FDXR: variants seen among roughly 807,000 people sequenced by gnomAD.
The protein encoded by FDXR is NADPH:adrenodoxin oxidoreductase, mitochondrial.
In FDXR, 38 loss-of-function variants were observed where a neutral mutation model predicts 58.3. That is an observed-to-expected ratio of 0.65 (90% CI 0.50 to 0.85). The LOEUF (loss-of-function observed/expected upper bound fraction) is 0.85, where lower values mean the gene tolerates loss of function less well. FDXR is among the 40% of genes least tolerant of loss of function. The pLI, the probability that FDXR is intolerant of heterozygous loss-of-function variation, is 0.00. For missense variants in FDXR, 624 were observed against 671.0 expected, an observed-to-expected ratio of 0.93 and a Z score of 0.77; for synonymous variants, 275 against 273.8, an observed-to-expected ratio of 1.00 and a Z score of -0.04.
chr17:74,863,244 G>A lies in FDXR; in HGVS notation c.1177C>T (p.Leu393Phe). The A allele has an allele frequency of 6.2e-7, 1 of 1,610,838 alleles. No homozygotes were observed. Among genetic ancestry groups the A allele is most frequent in the Non-Finnish European group, 8.5e-7 (1 of 1,178,694 alleles). Residue 393 changes from leucine (L) to phenylalanine (F), a missense_variant and splice_region_variant, in exon 11 of 12, where the codon CTC becomes TTC. Physicochemically the swap from Leu to Phe is conservative, Grantham distance 22. Coordinates refer to ENST00000293195, the MANE Select transcript of FDXR (RefSeq NM_024417.5). Reference sequence around the variant, plus strand: ...CTCTTCACCCAGCCGCTGCAGTAGAGGCCTGAGAGGGGGTAACAAAAGGGG... The same window carrying A: ...CTCTTCACCCAGCCGCTGCAGTAGAAGCCTGAGAGGGGGTAACAAAAGGGG... ...VEGRVMDVPG[L>F]YCSGWVKRGP...
At chr17:74,868,310 G>A (rs1223820280) in intron 2 of FDXR, 1 of 606,018 alleles carries the variant, frequency 1.7e-6, no homozygotes, top group Non-Finnish European at 3.0e-6. Context: ...TGTGCACTGG[G>A]GAAAGTTTCT....
At position 74,865,711 on chromosome 17, in the gene FDXR, C is replaced by T. The variant is rs1200371703; in HGVS notation, c.609+8G>A. The T allele has an allele frequency of 8.1e-6, 13 of 1,601,818 alleles. No homozygotes were observed. Among genetic ancestry groups the T allele is most frequent in the Non-Finnish European group, 1.1e-5 (13 of 1,174,168 alleles). ...CTCCAACCCCGCCAGCCCTGACCTACCACTCACCTCCAGGTGCTCAGGTGG... is the reference window on the plus strand; with the variant it reads ...CTCCAACCCCGCCAGCCCTGACCTATCACTCACCTCCAGGTGCTCAGGTGG... On this transcript the variant is annotated splice_region_variant and intron_variant, in intron 6 of 11. Coordinates refer to ENST00000293195, the MANE Select transcript of FDXR (RefSeq NM_024417.5).
intron 9 of FDXR, 33 bp downstream of exon 9, chr17:74,864,115 G>A (rs2038076317): frequency 6.2e-7 from 1 of 1,613,244 alleles, no homozygotes; most frequent in Non-Finnish European, 8.5e-7. Flanking sequence ...AGAGGCCTGG[G>A]AAGGGGGTGT....
Position 74,863,184 on chromosome 17 carries a change from C to A in FDXR, c.1237G>T (p.Asp413Tyr). The A allele has an allele frequency of 1.2e-6, 2 of 1,613,878 alleles. No homozygotes were observed. The highest frequency in any genetic ancestry group is 1.7e-6 in the Non-Finnish European group (2 of 1,179,976). The change falls in exon 11 of 12, where the codon GAC becomes TAC. Residue 413 changes from aspartate (D) to tyrosine (Y), a missense_variant. Physicochemically the swap from Asp to Tyr is radical, Grantham distance 160. Transcript: ENST00000293195. ...PTGVIATTMT[D>Y]SFLTGQMLLQ... ...AGCATCTGGCCGGTGAGGAAGCTGTCAGTCATGGTTGTGGCTATGACACCT... is the reference window on the plus strand; with the variant it reads ...AGCATCTGGCCGGTGAGGAAGCTGTAAGTCATGGTTGTGGCTATGACACCT...
At chr17:74,867,113 C>G (rs2038218579) in intron 2 of FDXR, 1 of 755,796 alleles carries the variant, frequency 1.3e-6, no homozygotes. Flanking sequence ...TCGAGACCAG[C>G]CTGACCAACA....
Position 74,866,545 on chromosome 17 carries a change from C to G in FDXR, c.294G>C (p.Gln98His). 1 of 1,613,648 alleles carries G rather than the reference C, an allele frequency of 6.2e-7. No homozygotes were observed. The highest frequency in any genetic ancestry group is 8.5e-7 in the Non-Finnish European group (1 of 1,180,026). ...AGGCACAGCGGCCAGAATGGGCCGT[C>G]TGGGTAAATGTGTTGATGACATTCT... ...EVKNVINTFTQTAHSGRCAFW... is the reference protein window; with the variant it reads ...EVKNVINTFTHTAHSGRCAFW... Residue 98 changes from glutamine to histidine, a missense_variant, in exon 4 of 12, where the codon CAG becomes CAC. Transcript: ENST00000293195.
chr17:74,869,545 C>T (rs2144675716), intron 2 of FDXR, among the ~76,000 whole-genome samples: 1 of 152,244 alleles, frequency 6.6e-6, no homozygotes, highest in South Asian at 2.1e-4. Flanking sequence ...TTTGTTCACG[C>T]AGTTCTCTGT....
chr17:74,871,155 CATT>C (rs1414552126), intron 2 of FDXR, among the ~76,000 whole-genome samples: 24 of 152,154 alleles, frequency 1.6e-4, no homozygotes, highest in African/African-American at 5.6e-4. Context: ...ACGCTGCCCA[CATT>C]ATTGTAATTA....
At chr17:74,863,319 C>T in intron 10 of FDXR, 73 bp from the exon 11 acceptor site, 1 of 1,458,238 alleles carries the variant, frequency 6.9e-7, no homozygotes, top group Non-Finnish European at 9.4e-7. Flanking sequence ...TGCCCACAAT[C>T]TACACCCACG....
At chr17:74,868,438 CTGT>C (rs1428369999) in intron 2 of FDXR, 2 of 741,002 alleles carry the variant, frequency 2.7e-6, no homozygotes, top group Non-Finnish European at 4.8e-6. Context: ...CATTACTATT[CTGT>C]TGTTGTATGT....
rs1353852220 is a variant in FDXR at position 74,872,470 on chromosome 17, TC to T, written c.80-338del. 6.3e-6 allele frequency: 4 copies of T among 637,118 alleles called. No homozygotes were observed. In the East Asian group the frequency reaches 8.3e-5, roughly 13 times the overall value. The allele number at this position is 637,118 out of a possible 1,614,324, so 39.5% of individuals were successfully genotyped here. A position where few individuals can be genotyped will look rare whatever the true frequency, so the allele number is the denominator to read the frequency against. ...CATCCCAATCTCGCCCCCGTGGGTC[TC>T]CCCACGGTGTCCCTCCTCTAACCCC... On this transcript the variant is annotated intron_variant, in intron 1 of 11. Coordinates refer to ENST00000293195, the MANE Select transcript of FDXR (RefSeq NM_024417.5).
intron 10 of FDXR, 61 bp from the exon 11 acceptor site, chr17:74,863,307 T>C (rs928135752): frequency 2.0e-6 from 3 of 1,501,500 alleles, no homozygotes; most frequent in African/African-American, 1.4e-5. Flanking sequence ...CTGGCCATCC[T>C]GTGCCCACAA....
At position 74,863,859 on chromosome 17, in the gene FDXR, C is replaced by T. The variant is rs2144646095; in HGVS notation, c.1174+37G>A. On this transcript the variant is annotated intron_variant, in intron 10 of 11. Coordinates refer to ENST00000293195, the MANE Select transcript of FDXR (RefSeq NM_024417.5). ...GAGATACCAGCTTCTCGGCCTCTCA[C>T]CATAATTCAGCACCCAGCCTCCTCA... 2.5e-6 allele frequency: 4 copies of T among 1,591,604 alleles called. No individual in the cohort carries two copies. The South Asian group carries it at 4.6e-5, about 18-fold the overall frequency.
chr17:74,868,682 C>A, intron 2 of FDXR: 1 of 1,534,026 alleles, frequency 6.5e-7, no homozygotes, highest in East Asian at 2.4e-5. Flanking sequence ...ACCTCATCTT[C>A]CAGGTTTCCT....
At chr17:74,867,010 A>G (rs1016359935) in intron 2 of FDXR, 134 bp from the exon 3 acceptor site, 5 of 1,485,466 alleles carry the variant, frequency 3.4e-6, no homozygotes, top group African/African-American at 1.4e-5. Context: ...CACCCTCTGC[A>G]AGGAAAAAGA....
rs2038028395 is a variant in FDXR, at chr17:74,863,061, C to T, written c.1345+15G>A. ...CCCACCCCACCTCCCAGGACCTCAG[C>T]ATCGGGGCCCAGACCTCGGCTGCTG... On this transcript the variant is annotated intron_variant, in intron 11 of 11. Coordinates refer to ENST00000293195, the MANE Select transcript of FDXR (RefSeq NM_024417.5). 1.2e-6 allele frequency: 2 copies of T among 1,608,348 alleles called. No individual in the cohort carries two copies. Among genetic ancestry groups the T allele is most frequent in the South Asian group, 2.2e-5 (2 of 90,828 alleles).
rs200526401 is a variant in FDXR at position 74,863,872 on chromosome 17, C to T, written c.1174+24G>A. The T allele has an allele frequency of 8.1e-6, 13 of 1,600,410 alleles. No individual in the cohort carries two copies. In the East Asian group the frequency reaches 2.9e-4, roughly 36 times the overall value. ...CTCGGCCTCTCACCATAATTCAGCACCCAGCCTCCTCACACCCTCTCACCT... is the reference window on the plus strand; with the variant it reads ...CTCGGCCTCTCACCATAATTCAGCATCCAGCCTCCTCACACCCTCTCACCT... On this transcript the variant is annotated intron_variant, in intron 10 of 11. Transcript: ENST00000293195.
At chr17:74,863,048 C>T (rs763466516) in intron 11 of FDXR, 28 bp downstream of exon 11, 23 of 1,606,850 alleles carry the variant, frequency 1.4e-5, no homozygotes, top group Non-Finnish European at 1.9e-5. Context: ...CACCCCACCT[C>T]CCAGGACCTC....
At position 74,864,926 on chromosome 17, in the gene FDXR, C is replaced by G; in HGVS notation, c.615G>C (p.Thr205=). ...LLTPPEHLER[T]DITKAALGVL... is the part of the protein sequence containing the mutation. The stretch of plus-strand genomic sequence containing the variant: ...CACCCAGGGCTGCCTTCGTGATGTC[C>G]GTTCTCTGGCACAAAAGGAGGGCCT... Residue 205 remains threonine (T), a synonymous_variant, in exon 7 of 12, where the codon ACG becomes ACC. Coordinates refer to ENST00000293195, the MANE Select transcript of FDXR (RefSeq NM_024417.5). 1 of 1,614,126 alleles carries G rather than the reference C, an allele frequency of 6.2e-7. No homozygotes were observed. Among genetic ancestry groups the G allele is most frequent in the Non-Finnish European group, 8.5e-7 (1 of 1,179,992 alleles).
Sources: allele counts gnomAD v4.1 joint callset (sites outside exome capture counted in the v4.1 genomes callset), GRCh38; gene constraint gnomAD v4.1.1; transcripts MANE v1.5; gene names NCBI Gene and HGNC (gene_info 2026-07-23, HGNC 2026-07-21).